The following KCNN3 variants were observed in gnomAD, a reference collection of about 807,000 sequenced individuals.
KCNN3 encodes the protein potassium calcium-activated channel subfamily N member 3.
A neutral mutation model predicts 62.9 loss-of-function variants in KCNN3; 16 were observed. The observed-to-expected ratio is 0.25, with a 90% CI of 0.17 to 0.39. The LOEUF (loss-of-function observed/expected upper bound fraction) is 0.39. Ranked by LOEUF, KCNN3 falls within the 10% of genes least tolerant of loss-of-function variation. KCNN3 has a pLI of 1.00. For synonymous variants in KCNN3, 370 were observed against 389.2 expected (o/e 0.95, Z 0.58); for missense variants, 599 against 949.4 (o/e 0.63, Z 4.85).
At chr1:154,782,269 A>T (rs2101851743) in intron 2 of KCNN3, among the ~76,000 whole-genome samples, 1 of 152,344 alleles carries the variant, frequency 6.6e-6, no homozygotes, top group African/African-American at 2.4e-5. Context: ...CTGAAAACAC[A>T]CTGCCCACAG....
At chr1:154,778,611 CTTTTTTTTTT>C (rs11459390) in intron 2 of KCNN3, among the ~76,000 whole-genome samples, 2 of 73,602 alleles carry the variant, frequency 2.7e-5, no homozygotes, top group African/African-American at 1.0e-4. Context: ...CTCTCTGTCT[CTTTTTTTTTT>C]TTTTTTTTTT....
At chr1:154,740,695 T>A (rs1199140960) in intron 3 of KCNN3, among the ~76,000 whole-genome samples, 5 of 152,260 alleles carry the variant, frequency 3.3e-5, no homozygotes, top group African/African-American at 1.2e-4. Context: ...AGTGGGTGAA[T>A]TGGGATCTCA....
In KCNN3 at chr1:154,869,792, G is replaced by A. The variant is rs1437869897; in HGVS notation, c.173C>T (p.Ser58Leu). 5 of 1,499,192 alleles carry A rather than the reference G, an allele frequency of 3.3e-6. No homozygotes were observed. The African/African-American group carries it at 4.4e-5, about 13-fold the overall frequency. The allele number at this position is 1,499,192 out of a possible 1,614,324, so 92.9% of individuals were successfully genotyped here. A position where few individuals can be genotyped will look rare whatever the true frequency, so the allele number is the denominator to read the frequency against. The stretch of plus-strand genomic sequence containing the variant: ...AAGCTGCGGAGGCTGAGGCTGCAGC[G>A]AGGGTCCCAGGGGCTGCTGGGGGGC... ...PAAPQQPLGPSLQPQPPQLQQ... is the reference protein window; with the variant it reads ...PAAPQQPLGPLLQPQPPQLQQ... Residue 58 changes from serine to leucine, a missense_variant, in exon 1 of 8, where the codon TCG becomes TTG. This residue lies in a region of KCNN3 where 7 missense variants were observed against 32.0 expected (regional missense o/e 0.22). Transcript: ENST00000271915. This position sits in a 1 kb window ranked among gnomAD's most constrained non-coding sequence, Gnocchi z 6.1.
chr1:154,776,466 G>A (rs1273358140), intron 2 of KCNN3, among the ~76,000 whole-genome samples: 1 of 152,142 alleles, frequency 6.6e-6, no homozygotes, highest in Non-Finnish European at 1.5e-5. Context: ...CAGGCTGCAG[G>A]TTAAAAGCTT....
intron 2 of KCNN3, among the ~76,000 whole-genome samples, chr1:154,787,992 G>T (rs1323347070): frequency 6.6e-6 from 1 of 152,192 alleles, no homozygotes; most frequent in Non-Finnish European, 1.5e-5. Flanking sequence ...TGCCCTCAGG[G>T]TCTTAGATTG....
At chr1:154,832,987 A>T (rs1412207071) in intron 1 of KCNN3, among the ~76,000 whole-genome samples, 1 of 152,108 alleles carries the variant, frequency 6.6e-6, no homozygotes, top group Non-Finnish European at 1.5e-5. Context: ...AGCCACAGAG[A>T]GGTATGTGGG....
intron 3 of KCNN3, among the ~76,000 whole-genome samples, chr1:154,745,890 C>G (rs774630747): frequency 6.6e-6 from 1 of 152,160 alleles, no homozygotes; most frequent in Non-Finnish European, 1.5e-5. Flanking sequence ...ATGTCTTCCA[C>G]GGTATCTGGA....
chr1:154,771,860 G>A lies in KCNN3; in HGVS notation c.1448+115C>T, dbSNP rs1021464419. 9 of 1,029,096 alleles carry A rather than the reference G, an allele frequency of 8.7e-6. 1 individual carries two copies. In the South Asian group the frequency reaches 9.2e-5, roughly 11 times the overall value. 63.7% of individuals were successfully genotyped at this position (1,029,096 alleles called of 1,614,324 possible). A position where few individuals can be genotyped will look rare whatever the true frequency, so the allele number is the denominator to read the frequency against. The stretch of plus-strand genomic sequence containing the variant: ...TCTTTCCCATTGTCTCCTTTCAGGT[G>A]TCTGGGTACATGCCTGTCTCCTCCA... On this transcript the variant is annotated intron_variant, in intron 3 of 7. Coordinates refer to ENST00000271915, the MANE Select transcript of KCNN3 (RefSeq NM_002249.6).
At chr1:154,726,990 A>G (rs2101784274) in intron 4 of KCNN3, among the ~76,000 whole-genome samples, 1 of 152,334 alleles carries the variant, frequency 6.6e-6, no homozygotes, top group South Asian at 2.1e-4. Context: ...ACATTCCAAC[A>G]TTCTCCCAAT....
Position 154,726,035 on chromosome 1 carries a change from G to GGACATCAAGAGGACCAGAGGGGA in KCNN3, c.1591-32_1591-10dup. 1 of 1,606,572 alleles carries GGACATCAAGAGGACCAGAGGGGA rather than the reference G, an allele frequency of 6.2e-7. No homozygotes were observed. Among genetic ancestry groups the GGACATCAAGAGGACCAGAGGGGA allele is most frequent in the Non-Finnish European group, 8.5e-7 (1 of 1,173,642 alleles). On this transcript the variant is annotated splice_polypyrimidine_tract_variant and intron_variant, in intron 4 of 7. Transcript: ENST00000271915. ...GCAGTGCAGCCTGCACCCTGCGGGG[G>GGACATCAAGAGGACCAGAGGGGA]GACATCAAGAGGACCAGAGGGGAAA...
rs1029829715 is a variant in KCNN3, at chr1:154,711,619, A to G, written c.1899+1845T>C. Among the ~76,000 whole-genome samples, 36 of 152,128 alleles carry G rather than the reference A, an allele frequency of 2.4e-4. 1 individual carries two copies. The highest frequency in any genetic ancestry group is 8.2e-4 in the African/African-American group (34 of 41,420). On this transcript the variant is annotated intron_variant, in intron 7 of 7. Transcript: ENST00000271915. ...AAATACTGCTACTCATGGAAGAAACATCCTGGGGCAGTTTGTTGGGCTATT... is the reference window on the plus strand; with the variant it reads ...AAATACTGCTACTCATGGAAGAAACGTCCTGGGGCAGTTTGTTGGGCTATT...
chr1:154,785,614 A>C (rs1571274213), intron 2 of KCNN3, among the ~76,000 whole-genome samples: 1 of 117,928 alleles, frequency 8.5e-6, no homozygotes. Context: ...CAAGAGTCTC[A>C]CTCTGTCTTC....
intron 2 of KCNN3, among the ~76,000 whole-genome samples, chr1:154,813,894 G>A (rs1298309683): frequency 1.3e-5 from 2 of 152,228 alleles, no homozygotes; most frequent in Non-Finnish European, 1.5e-5. Flanking sequence ...CAGGGAGCAG[G>A]GGCAGGAAAG....
chr1:154,803,066 C>T (rs1650026150), intron 2 of KCNN3, among the ~76,000 whole-genome samples: 1 of 152,166 alleles, frequency 6.6e-6, no homozygotes, highest in Non-Finnish European at 1.5e-5. Flanking sequence ...AGCAATTCAC[C>T]ATGGAGTCAC....
intron 1 of KCNN3, among the ~76,000 whole-genome samples, chr1:154,867,502 C>T (rs1421170049): frequency 6.6e-6 from 1 of 152,066 alleles, no homozygotes; most frequent in Non-Finnish European, 1.5e-5. Flanking sequence ...CAGGTCTGCC[C>T]CACCCGTTTC....
rs1303946886 is a variant in KCNN3, at chr1:154,869,855, T to G, written c.110A>C (p.Gln37Pro). The change falls in exon 1 of 8, where the codon CAA (glutamine) becomes CCA (proline). Residue 37 changes from glutamine (Q) to proline (P), a missense_variant. Transcript: ENST00000271915. This position sits in a 1 kb window ranked among gnomAD's most constrained non-coding sequence, Gnocchi z 6.1. ...GDEQQQQQQQ[Q>P]QQQQPPPPAP... The stretch of plus-strand genomic sequence containing the variant: ...TGGCGGTGGTGGCTGCTGCTGCTGT[T>G]GCTGCTGCTGCTGCTGCTGCTGCTC... 6.7e-7 allele frequency: 1 copy of G among 1,483,210 alleles called. No homozygotes were observed. Among genetic ancestry groups the G allele is most frequent in the Non-Finnish European group, 9.0e-7 (1 of 1,111,966 alleles). The allele number at this position is 1,483,210 out of a possible 1,614,324, so 91.9% of individuals were successfully genotyped here.
chr1:154,736,929 C>T, intron 3 of KCNN3: 1 of 672,682 alleles, frequency 1.5e-6, no homozygotes, highest in Non-Finnish European at 2.7e-6. Flanking sequence ...TGTCAGCCTT[C>T]AGTGATCGCT....
At chr1:154,843,889 C>G (rs915594756) in intron 1 of KCNN3, among the ~76,000 whole-genome samples, 8 of 152,064 alleles carry the variant, frequency 5.3e-5, no homozygotes, top group Non-Finnish European at 1.2e-4. Flanking sequence ...CATGGAGGGG[C>G]GGCTGTGAGA....
chr1:154,799,694 G>A (rs747358030), intron 2 of KCNN3, among the ~76,000 whole-genome samples: 22 of 152,228 alleles, frequency 1.4e-4, no homozygotes, highest in Non-Finnish European at 8.8e-5. Context: ...TCCTGAATCC[G>A]CAAGTGCCCT....
Sources: gnomAD v4.1 joint callset for allele counts (sites outside exome capture counted in the v4.1 genomes callset) on GRCh38, gnomAD v4.1.1 for gene constraint, gnomAD v4.1.1 regional missense constraint, Gnocchi (gnomAD v3.1) non-coding constraint, MANE v1.5 for transcripts, NCBI Gene and HGNC (gene_info 2026-07-23, HGNC 2026-07-21) for gene names.